Variants in TRPM6 observed in about 807,000 individuals in gnomAD.
TRPM6 encodes transient receptor potential cation channel subfamily M member 6, also known as channel kinase 2.
Under a neutral mutation model 247.6 loss-of-function variants are expected in TRPM6, and 111 were observed. That is an observed-to-expected ratio of 0.45 (90% CI 0.38 to 0.52). The LOEUF is 0.52. Ranked by LOEUF, TRPM6 falls within the 20% of genes least tolerant of loss-of-function variation. The probability of loss-of-function intolerance (pLI) is 0.00; values close to 1 mark genes in which losing one functional copy is unlikely to be tolerated. For missense variants in TRPM6, 2,126 were observed against 2,421.5 expected (o/e 0.88, Z 2.56); for synonymous variants, 892 against 853.8 (o/e 1.04, Z -0.78).
intron 28 of TRPM6, among the ~76,000 whole-genome samples, chr9:74,754,718 ATTGG>A: frequency 6.6e-6 from 1 of 152,306 alleles, no homozygotes; most frequent in South Asian, 2.1e-4. Context: ...CTGTTTAAAA[ATTGG>A]TAAATGTCTC....
intron 3 of TRPM6, among the ~76,000 whole-genome samples, chr9:74,850,349 G>A (rs915052317): frequency 6.6e-6 from 1 of 152,032 alleles, no homozygotes; most frequent in Non-Finnish European, 1.5e-5. Flanking sequence ...TCCAGCCTGG[G>A]CGACAGAGGG....
rs755064381 is a variant in TRPM6 at position 74,812,303 on chromosome 9, T to C, written c.1439A>G (p.Asn480Ser). Residue 480 changes from asparagine (N) to serine (S), a missense_variant, in exon 12 of 39, where the codon AAT (asparagine) becomes AGT (serine). By Grantham distance (46) the Asn-to-Ser change is conservative. Around this residue, in one of 3 missense-constraint regions of TRPM6, gnomAD observed 1,082 missense variants for 1,307.9 expected, o/e 0.83. Coordinates refer to ENST00000360774, the MANE Select transcript of TRPM6 (RefSeq NM_017662.5). ...LTIPRLEELY[N>S]TKQGPTNTLL... ...GATGAAATGTTCCATACTCACTGTA[T>C]TGTAGAGCTCTTCCAGTCGAGGGAT... 2.5e-6 allele frequency: 4 copies of C among 1,613,792 alleles called. No individual in the cohort carries two copies. The highest frequency in any genetic ancestry group is 2.5e-6 in the Non-Finnish European group (3 of 1,179,882).
intron 14 of TRPM6, among the ~76,000 whole-genome samples, chr9:74,804,954 A>C (rs1828482075): frequency 6.6e-6 from 1 of 152,260 alleles, no homozygotes; most frequent in South Asian, 2.1e-4. Flanking sequence ...TAATAGAAAA[A>C]TAATAAAAAT....
At chr9:74,797,151 C>G (rs1828126343) in intron 17 of TRPM6, among the ~76,000 whole-genome samples, 1 of 152,134 alleles carries the variant, frequency 6.6e-6, no homozygotes, top group South Asian at 2.1e-4. Flanking sequence ...CTGGTGTCAA[C>G]CTAAATGTCT....
At chr9:74,756,706 C>T (rs1321889950) in intron 27 of TRPM6, among the ~76,000 whole-genome samples, 2 of 129,942 alleles carry the variant, frequency 1.5e-5, no homozygotes, top group Admixed American at 1.4e-4. Flanking sequence ...AAAAAAATAG[C>T]CAGGTGTGGT....
chr9:74,784,526 G>A (rs934353789), intron 21 of TRPM6, among the ~76,000 whole-genome samples: 1 of 152,120 alleles, frequency 6.6e-6, no homozygotes, highest in African/African-American at 2.4e-5. Flanking sequence ...TAGTAAGCAC[G>A]ATTTAAGAGT....
intron 11 of TRPM6, among the ~76,000 whole-genome samples, chr9:74,814,573 C>T (rs894829075): frequency 6.6e-6 from 1 of 151,986 alleles, no homozygotes; most frequent in Non-Finnish European, 1.5e-5. Flanking sequence ...AATATATACA[C>T]CCACTGTGAG....
At chr9:74,782,156 G>A (rs555581151) in intron 23 of TRPM6, among the ~76,000 whole-genome samples, 2 of 152,240 alleles carry the variant, frequency 1.3e-5, no homozygotes, top group South Asian at 2.1e-4. Context: ...CACAGATAAC[G>A]ATGGATGACT....
At chr9:74,867,746 A>G (rs539116552) in intron 1 of TRPM6, among the ~76,000 whole-genome samples, 7 of 152,212 alleles carry the variant, frequency 4.6e-5, no homozygotes, top group Non-Finnish European at 7.3e-5. Context: ...GGCAGGATAC[A>G]TCCTATCAGT....
intron 20 of TRPM6, among the ~76,000 whole-genome samples, chr9:74,787,199 G>T (rs1295580455): frequency 1.3e-5 from 2 of 152,104 alleles, no homozygotes; most frequent in Admixed American, 6.5e-5. Flanking sequence ...GCTGGGTGTG[G>T]TGGCAGGCAC....
Position 74,821,719 on chromosome 9 carries a change from A to C in TRPM6, c.960T>G (p.Gly320=). 6.2e-7 allele frequency: 1 copy of C among 1,614,128 alleles called. No individual in the cohort carries two copies. The highest frequency in any genetic ancestry group is 8.5e-7 in the Non-Finnish European group (1 of 1,180,030). The change falls in exon 8 of 39, where the codon GGT becomes GGG. Residue 320 remains glycine, a synonymous_variant. Coordinates refer to ENST00000360774, the MANE Select transcript of TRPM6 (RefSeq NM_017662.5). ...KDPVVVCEGT[G]RAADLLAFTH... is the part of the protein sequence containing the mutation. ...TGAAGGCCAGGAGGTCAGCCGCCCT[A>C]CCTGTGCCCTCACACACCACCACTG...
rs182195293 is a variant in TRPM6, at chr9:74,816,656, A to T, written c.1308+13T>A. The T allele has an allele frequency of 1.2e-6, 2 of 1,608,490 alleles. No individual in the cohort carries two copies. The highest frequency in any genetic ancestry group is 1.7e-6 in the Non-Finnish European group (2 of 1,175,466). On this transcript the variant is annotated intron_variant, in intron 11 of 38. Transcript: ENST00000360774. Reference sequence around the variant, plus strand: ...CAAAATATTTTTTCCGAATAACTTCATTTTCACTATACCTTCCAGTGTTGT... The same window carrying T: ...CAAAATATTTTTTCCGAATAACTTCTTTTTCACTATACCTTCCAGTGTTGT...
At position 74,842,162 on chromosome 9, in the gene TRPM6, A is replaced by T. The variant is rs368051065; in HGVS notation, c.330+4T>A. 1.2e-6 allele frequency: 2 copies of T among 1,613,840 alleles called. No homozygotes were observed. The highest frequency in any genetic ancestry group is 2.7e-5 in the African/African-American group (2 of 74,878). On this transcript the variant is annotated splice_donor_region_variant and intron_variant, in intron 4 of 38. Coordinates refer to ENST00000360774, the MANE Select transcript of TRPM6 (RefSeq NM_017662.5). The stretch of plus-strand genomic sequence containing the variant: ...CAGCAAAACAATTTGGGTTATTAGC[A>T]AACCTTGGCATGATGGGTGTGCTCT...
At chr9:74,740,714 T>A (rs745732581) in intron 33 of TRPM6, among the ~76,000 whole-genome samples, 6 of 152,220 alleles carry the variant, frequency 3.9e-5, no homozygotes, top group Admixed American at 6.5e-5. Context: ...ACTTGTGGCA[T>A]CACATTAGCA....
intron 3 of TRPM6, among the ~76,000 whole-genome samples, chr9:74,847,313 A>C (rs1036898502): frequency 6.6e-6 from 1 of 151,572 alleles, no homozygotes; most frequent in Non-Finnish European, 1.5e-5. Context: ...CAATTCTCCC[A>C]CCTCAGCCTC....
At chr9:74,738,306 G>T in intron 36 of TRPM6, 101 bp downstream of exon 36, 1 of 1,237,240 alleles carries the variant, frequency 8.1e-7, no homozygotes. Context: ...TCCCTTCAAA[G>T]CTAAATAGAG....
intron 3 of TRPM6, among the ~76,000 whole-genome samples, chr9:74,851,763 A>ATATAT (rs1269419280): frequency 1.4e-5 from 2 of 138,536 alleles, no homozygotes; most frequent in African/African-American, 5.3e-5. Flanking sequence ...AAAAAAAAAA[A>ATATAT]ATATATATAT....
Position 74,840,064 on chromosome 9 carries a change from C to T in TRPM6, c.504G>A (p.Glu168=). 1 of 1,614,102 alleles carries T rather than the reference C, an allele frequency of 6.2e-7. No individual in the cohort carries two copies. Among genetic ancestry groups the T allele is most frequent in the Non-Finnish European group, 8.5e-7 (1 of 1,180,020 alleles). The change falls in exon 5 of 39, where the codon GAG becomes GAA. Residue 168 remains glutamate (E), a synonymous_variant. Transcript: ENST00000360774. ...IFSQGLVKAA[E]TTGAWIITEG... is the part of the protein sequence containing the mutation. ...CAGTTATTATCCACGCTCCTGTTGT[C>T]TCTGCAGCTTTAACCAAACCTTGGC...
chr9:74,876,500 A>G (rs1831195013), intron 1 of TRPM6, among the ~76,000 whole-genome samples: 3 of 152,224 alleles, frequency 2.0e-5, no homozygotes, highest in South Asian at 2.1e-4. Context: ...AACTCATTTT[A>G]TGAAAGAGGA....
Sources: gnomAD v4.1 joint callset for allele counts (sites outside exome capture counted in the v4.1 genomes callset) on GRCh38, gnomAD v4.1.1 for gene constraint, gnomAD v4.1.1 regional missense constraint, MANE v1.5 for transcripts, NCBI Gene and HGNC (gene_info 2026-07-23, HGNC 2026-07-21) for gene names.